Variants in TCF20 observed in about 807,000 individuals in gnomAD.
The protein encoded by TCF20 is transcription factor 20, also known as SPRE-binding protein.
In TCF20, 3 loss-of-function variants were observed where a neutral mutation model predicts 148.6. The observed-to-expected ratio is 0.02, with a 90% CI of 0.01 to 0.05. The LOEUF (loss-of-function observed/expected upper bound fraction) is 0.05, where lower values mean the gene tolerates loss of function less well. TCF20 is among the 10% of genes least tolerant of loss of function. The pLI, the probability that TCF20 is intolerant of heterozygous loss-of-function variation, is 1.00. For synonymous variants in TCF20, 1,049 were observed against 909.5 expected (o/e 1.15, Z -2.76); for missense variants, 2,350 against 2,429.3 (o/e 0.97, Z 0.69).
chr22:42,197,393 G>C (rs576958639), intron 2 of TCF20, among the ~76,000 whole-genome samples: 1 of 151,376 alleles, frequency 6.6e-6, no homozygotes, highest in African/African-American at 2.4e-5. Context: ...CGCGATCTCG[G>C]CTCACTGCAA....
At chr22:42,331,022 G>A (rs937221833) in intron 1 of TCF20, among the ~76,000 whole-genome samples, 1 of 152,240 alleles carries the variant, frequency 6.6e-6, no homozygotes. Context: ...CGAGCAGGTG[G>A]CAGGGCTGCT....
At chr22:42,166,585 G>GGCGACAAA (rs1935801715) in intron 5 of TCF20, among the ~76,000 whole-genome samples, 1 of 150,828 alleles carries the variant, frequency 6.6e-6, no homozygotes, top group African/African-American at 2.5e-5. Flanking sequence ...CTCCAGCCTG[G>GGCGACAAA]GCGACAAAGT....
chr22:42,197,612 G>A (rs1436045893), intron 2 of TCF20, among the ~76,000 whole-genome samples: 1 of 152,158 alleles, frequency 6.6e-6, no homozygotes, highest in East Asian at 1.9e-4. Context: ...GTGAGCCACC[G>A]TGCCCGGCTG....
intron 3 of TCF20, among the ~76,000 whole-genome samples, chr22:42,178,241 G>C (rs1173593222): frequency 6.6e-6 from 1 of 152,158 alleles, no homozygotes; most frequent in Non-Finnish European, 1.5e-5. Flanking sequence ...AAACACAAGT[G>C]AAGTGTTTCC....
chr22:42,173,742 A>G (rs1936275637), intron 3 of TCF20, among the ~76,000 whole-genome samples: 1 of 152,170 alleles, frequency 6.6e-6, no homozygotes, highest in Non-Finnish European at 1.5e-5. Flanking sequence ...TTGGGTCATC[A>G]AAAAGACCGC....
intron 1 of TCF20, among the ~76,000 whole-genome samples, chr22:42,261,803 C>T (rs144804394): frequency 0.016 from 2,366 of 152,246 alleles, 54 homozygotes; most frequent in African/African-American, 0.054. Flanking sequence ...ACCAGACTGG[C>T]CAACATGGTG....
At chr22:42,242,225 A>AT (rs1924493795) in intron 1 of TCF20, among the ~76,000 whole-genome samples, 1 of 139,566 alleles carries the variant, frequency 7.2e-6, no homozygotes, top group African/African-American at 2.7e-5. Context: ...AAAAAAAAAA[A>AT]AACAGAAAAG....
chr22:42,245,101 G>GA (rs923367806), intron 1 of TCF20, among the ~76,000 whole-genome samples: 2 of 151,594 alleles, frequency 1.3e-5, no homozygotes, highest in Non-Finnish European at 2.9e-5. Context: ...AAAAGAAAAA[G>GA]AAAAAAAATC....
intron 3 of TCF20, among the ~76,000 whole-genome samples, chr22:42,173,976 A>C (rs1253143069): frequency 6.6e-6 from 1 of 152,302 alleles, no homozygotes; most frequent in East Asian, 1.9e-4. Flanking sequence ...ATGGGCCCCA[A>C]AACAGAAAAT....
At chr22:42,182,753 T>C (rs760479676) in intron 2 of TCF20, among the ~76,000 whole-genome samples, 7 of 152,226 alleles carry the variant, frequency 4.6e-5, no homozygotes, top group Non-Finnish European at 1.0e-4. Flanking sequence ...TGGGTTATTT[T>C]TGAGACAGAG....
At chr22:42,219,002 G>T (rs1466942302) in intron 1 of TCF20, among the ~76,000 whole-genome samples, 1 of 152,060 alleles carries the variant, frequency 6.6e-6, no homozygotes, top group Non-Finnish European at 1.5e-5. Flanking sequence ...GGTTGCCCAG[G>T]TTTATCTTTT....
chr22:42,216,232 G>A (rs1048958022), intron 1 of TCF20, among the ~76,000 whole-genome samples: 5 of 151,794 alleles, frequency 3.3e-5, no homozygotes, highest in African/African-American at 1.2e-4. Context: ...TGGGACTACA[G>A]GCATAAGCCA....
At chr22:42,251,335 G>A (rs1056566134) in intron 1 of TCF20, among the ~76,000 whole-genome samples, 4 of 151,670 alleles carry the variant, frequency 2.6e-5, no homozygotes, top group Admixed American at 1.3e-4. Flanking sequence ...ATAGGTGCAC[G>A]CTAGCTTGCT....
At position 42,279,099 on chromosome 22, in the gene TCF20, C is replaced by T. The variant is rs1006626708; in HGVS notation, c.-37+4728G>A. On this transcript the variant is annotated intron_variant, in intron 1 of 5. Coordinates refer to the TCF20 transcript ENST00000359486. The surrounding 1 kb of genome is among the most constrained non-coding windows in gnomAD (Gnocchi z 4.3). ...CCACTTCTTCACAAGTTTTGTGTCT[C>T]CCCAGCCTCCTCCCCTAGGGCTCTC... Among the ~76,000 whole-genome samples the T allele has an allele frequency of 2.6e-5, 4 of 152,152 alleles. No individual in the cohort carries two copies. Among genetic ancestry groups the T allele is most frequent in the African/African-American group, 9.7e-5 (4 of 41,428 alleles).
chr22:42,322,901 TTTG>T (rs1371685425), intron 1 of TCF20, among the ~76,000 whole-genome samples: 1 of 150,418 alleles, frequency 6.6e-6, no homozygotes. Flanking sequence ...TGGTTTTTTT[TTTG>T]TTTGTTTTTC....
chr22:42,268,369 C>T (rs1253962738), intron 1 of TCF20, among the ~76,000 whole-genome samples: 1 of 152,116 alleles, frequency 6.6e-6, no homozygotes, highest in African/African-American at 2.4e-5. Context: ...AAACTAATTG[C>T]GGTTCTTCAG....
At chr22:42,190,870 G>T (rs976117093) in intron 2 of TCF20, among the ~76,000 whole-genome samples, 2 of 152,138 alleles carry the variant, frequency 1.3e-5, no homozygotes, top group East Asian at 3.9e-4. Flanking sequence ...AAGAAAGTTC[G>T]TAATTATCAC....
intron 1 of TCF20, among the ~76,000 whole-genome samples, chr22:42,307,049 A>C (rs1927448117): frequency 6.6e-6 from 1 of 150,938 alleles, no homozygotes; most frequent in South Asian, 2.1e-4. Context: ...AAAAAAAAAA[A>C]AAAAAAAAAA....
upstream of TCF20, among the ~76,000 whole-genome samples, chr22:42,272,101 TGGG>T (rs1926642855): frequency 2.0e-5 from 3 of 152,206 alleles, no homozygotes; most frequent in Non-Finnish European, 4.4e-5. Context: ...GGACTATTCC[TGGG>T]GACTTGATTC....
Sources: allele counts gnomAD v4.1 joint callset (sites outside exome capture counted in the v4.1 genomes callset), GRCh38; gene constraint gnomAD v4.1.1; non-coding constraint Gnocchi (gnomAD v3.1); transcripts MANE v1.5; gene names NCBI Gene and HGNC (gene_info 2026-07-23, HGNC 2026-07-21).